Variants in GSAP observed in about 807,000 individuals in gnomAD.
GSAP encodes the protein gamma-secretase-activating protein.
In GSAP, 118 loss-of-function variants were observed where a neutral mutation model predicts 131.7. The observed-to-expected ratio is 0.90, with a 90% CI of 0.77 to 1.04. The LOEUF (loss-of-function observed/expected upper bound fraction) is 1.04, where lower values mean the gene tolerates loss of function less well. Ranked by LOEUF, GSAP falls within the 50% of genes least tolerant of loss-of-function variation. The pLI, the probability that GSAP is intolerant of heterozygous loss-of-function variation, is 0.00. For missense variants in GSAP, 1,019 were observed against 1,013.2 expected, an observed-to-expected ratio of 1.01 and a Z score of -0.08; for synonymous variants, 381 against 363.4, an observed-to-expected ratio of 1.05 and a Z score of -0.55.
rs1220145250 is a variant in GSAP, at chr7:77,362,573, T to C, written c.949+10A>G. 7.0e-7 allele frequency: 1 copy of C among 1,427,840 alleles called. No homozygotes were observed. Among genetic ancestry groups the C allele is most frequent in the South Asian group, 1.2e-5 (1 of 86,330 alleles). 88.4% of individuals were successfully genotyped at this position (1,427,840 alleles called of 1,614,324 possible). On this transcript the variant is annotated intron_variant, in intron 13 of 30. Coordinates refer to ENST00000257626, the MANE Select transcript of GSAP (RefSeq NM_017439.4). The stretch of plus-strand genomic sequence containing the variant: ...TTATGTAAAAGTAACAAAGAAGACA[T>C]GAAAAGTACCTTTATGAATGTAAAA...
intron 11 of GSAP, 27 bp from the exon 12 acceptor site, chr7:77,374,182 T>C (rs1796518959): frequency 8.7e-7 from 1 of 1,147,044 alleles, no homozygotes; most frequent in Non-Finnish European, 1.3e-6. Flanking sequence ...TGAGAAATTA[T>C]TGAATGCATT....
intron 12 of GSAP, among the ~76,000 whole-genome samples, chr7:77,368,389 T>C (rs1383886993): frequency 1.3e-5 from 2 of 152,204 alleles, no homozygotes; most frequent in Admixed American, 6.5e-5. Flanking sequence ...TCTTTCATTT[T>C]AATTAATGTA....
intron 8 of GSAP, among the ~76,000 whole-genome samples, chr7:77,379,624 CCT>C (rs1491232124): frequency 6.6e-6 from 1 of 152,100 alleles, no homozygotes; most frequent in African/African-American, 2.4e-5. Context: ...CAGCCAGTCC[CCT>C]GTCTATGCTC....
chr7:77,411,081 T>A (rs1484209292), intron 1 of GSAP, among the ~76,000 whole-genome samples: 2 of 70,988 alleles, frequency 2.8e-5, no homozygotes, highest in South Asian at 3.7e-4. Flanking sequence ...AAAGGACAGA[T>A]AGTGGCAAGA....
At chr7:77,406,489 G>T (rs142809270) in intron 1 of GSAP, among the ~76,000 whole-genome samples, 180 of 152,292 alleles carry the variant, frequency 1.2e-3, no homozygotes, top group Non-Finnish European at 1.9e-3. Flanking sequence ...AAGGGCATAC[G>T]AATTTGGAAT....
chr7:77,364,804 A>T (rs1023436938), intron 12 of GSAP, among the ~76,000 whole-genome samples: 3 of 152,218 alleles, frequency 2.0e-5, no homozygotes, highest in Non-Finnish European at 4.4e-5. Context: ...CAAAGGGAAA[A>T]AAAGACACAG....
chr7:77,362,084 T>C (rs1794602853), intron 13 of GSAP, among the ~76,000 whole-genome samples: 1 of 152,108 alleles, frequency 6.6e-6, no homozygotes, highest in Non-Finnish European at 1.5e-5. Context: ...ATATGATATA[T>C]AAAAATAACT....
intron 19 of GSAP, among the ~76,000 whole-genome samples, chr7:77,341,151 TCTGAGGTGC>T (rs1266210538): frequency 6.6e-6 from 1 of 152,122 alleles, no homozygotes; most frequent in Non-Finnish European, 1.5e-5. Flanking sequence ...GGCAAATGGG[TCTGAGGTGC>T]CTGACTTCCA....
At chr7:77,369,195 G>C (rs994897940) in intron 12 of GSAP, among the ~76,000 whole-genome samples, 3 of 152,160 alleles carry the variant, frequency 2.0e-5, no homozygotes, top group Non-Finnish European at 2.9e-5. Flanking sequence ...GCACAAGAAA[G>C]AATTACAGCC....
At chr7:77,396,912 G>T in intron 5 of GSAP, 70 bp downstream of exon 5, 1 of 729,648 alleles carries the variant, frequency 1.4e-6, no homozygotes, top group South Asian at 1.9e-5. Context: ...AATTTGATTT[G>T]GTAGTATAAT....
intron 21 of GSAP, among the ~76,000 whole-genome samples, 157 bp from the exon 22 acceptor site, chr7:77,328,794 T>C (rs185665925): frequency 1.3e-5 from 2 of 152,280 alleles, no homozygotes; most frequent in East Asian, 3.9e-4. Context: ...ATCAATGTAG[T>C]GAAAGCCACA....
chr7:77,328,353 G>A (rs1303106268), intron 22 of GSAP: 24 of 1,241,318 alleles, frequency 1.9e-5, no homozygotes, highest in Non-Finnish European at 2.2e-5. Context: ...CAGGAAATAA[G>A]GAGAACCGCA....
chr7:77,368,384 C>A (rs112235118), intron 12 of GSAP, among the ~76,000 whole-genome samples: 50 of 152,206 alleles, frequency 3.3e-4, no homozygotes, highest in African/African-American at 1.2e-3. Flanking sequence ...TTTTTTCTTT[C>A]ATTTTAATTA....
At chr7:77,323,612 A>T (rs1171290632) in intron 24 of GSAP, 35 bp downstream of exon 24, 1 of 1,008,112 alleles carries the variant, frequency 9.9e-7, no homozygotes, top group Admixed American at 1.9e-5. Flanking sequence ...AGTGGGGTGA[A>T]GGGGCATATG....
intron 14 of GSAP, among the ~76,000 whole-genome samples, chr7:77,355,967 A>G (rs755984298): frequency 4.0e-5 from 6 of 151,300 alleles, no homozygotes; most frequent in South Asian, 2.1e-4. Context: ...AATATTTTCT[A>G]TTTTTATAGA....
chr7:77,355,786 C>CATTT, intron 14 of GSAP, 139 bp from the exon 15 acceptor site: 1 of 305,334 alleles, frequency 3.3e-6, no homozygotes, highest in Non-Finnish European at 5.4e-6. Context: ...AATGACAGCC[C>CATTT]GTTTTTTTTT....
At chr7:77,353,997 A>G (rs1181904) in intron 16 of GSAP, among the ~76,000 whole-genome samples, 88,340 of 151,986 alleles carry the variant, frequency 0.58, 26,228 homozygotes, top group East Asian at 0.84. Flanking sequence ...ACTAGGCTTG[A>G]GGGCAGCAGA....
chr7:77,393,703 T>G (rs1799932949), intron 5 of GSAP, among the ~76,000 whole-genome samples: 1 of 148,866 alleles, frequency 6.7e-6, no homozygotes, highest in East Asian at 2.0e-4. Flanking sequence ...AGACAGAGTC[T>G]CACTGTGTCA....
chr7:77,353,446 T>C (rs1320740517), intron 17 of GSAP, 126 bp downstream of exon 17: 45 of 582,312 alleles, frequency 7.7e-5, no homozygotes, highest in Non-Finnish European at 6.0e-5. Flanking sequence ...AGAGTTTTGT[T>C]TTTTTTTTTT....
Sources: gnomAD v4.1 joint callset for allele counts (sites outside exome capture counted in the v4.1 genomes callset) on GRCh38, gnomAD v4.1.1 for gene constraint, MANE v1.5 for transcripts, NCBI Gene and HGNC (gene_info 2026-07-23, HGNC 2026-07-21) for gene names.